EIF4G1: variants seen among roughly 807,000 people sequenced by gnomAD.
EIF4G1 encodes the protein eukaryotic translation initiation factor 4 gamma 1, also known as EIF4-gamma.
Under a neutral mutation model 187.8 loss-of-function variants are expected in EIF4G1, and 4 were observed. The observed-to-expected ratio is 0.02, with a 90% CI of 0.01 to 0.05. The LOEUF (loss-of-function observed/expected upper bound fraction) is 0.05. Among genes scored for constraint, EIF4G1 ranks in the 10% least tolerant of loss-of-function variants. EIF4G1 has a pLI of 1.00. For missense variants in EIF4G1, 1,647 were observed against 2,081.1 expected (o/e 0.79, Z 4.06); for synonymous variants, 844 against 781.4 (o/e 1.08, Z -1.34).
chr3:184,318,824 C>T (rs780990366), intron 6 of EIF4G1, among the ~76,000 whole-genome samples: 13 of 152,068 alleles, frequency 8.5e-5, no homozygotes, highest in Admixed American at 2.6e-4. Flanking sequence ...AGGCTGGTCT[C>T]GAACTCCTGG....
At position 184,331,531 on chromosome 3, in the gene EIF4G1, C is replaced by T. The variant is rs762584493; in HGVS notation, c.4320C>T (p.Ser1440=). ...CCCCTGGCCAGAGGGCACTCCCCTC[C>T]GAGGAGCTGAACAGGCAGCTGGAGA... ...SEAPGQRALP[S]EELNRQLEKL... is the part of the protein sequence containing the mutation. The change falls in exon 30 of 33, where the codon TCC becomes TCT. Residue 1440 remains serine, a synonymous_variant. Transcript: ENST00000346169. 34 of 1,613,868 alleles carry T rather than the reference C, an allele frequency of 2.1e-5. No homozygotes were observed. The highest frequency in any genetic ancestry group is 2.6e-5 in the Non-Finnish European group (31 of 1,180,018).
At chr3:184,317,069 G>C (rs992545468) in intron 4 of EIF4G1, among the ~76,000 whole-genome samples, 1 of 152,196 alleles carries the variant, frequency 6.6e-6, no homozygotes, top group South Asian at 2.1e-4. Flanking sequence ...TAGAGGTGAC[G>C]TGTGTATGCA....
In EIF4G1 at chr3:184,322,115, T is replaced by A; in HGVS notation, c.1519+12T>A. The A allele has an allele frequency of 4.3e-6, 7 of 1,614,018 alleles. No individual in the cohort carries two copies. Among genetic ancestry groups the A allele is most frequent in the Non-Finnish European group, 5.9e-6 (7 of 1,180,024 alleles). ...AGCAGCCACTCAAGGTAAGGTGTGG[T>A]TGGACGGTAGAGGTAGGGCGGGCTA... is the stretch of plus-strand genomic sequence containing the variant. On this transcript the variant is annotated intron_variant, in intron 10 of 32. Coordinates refer to ENST00000346169, the MANE Select transcript of EIF4G1 (RefSeq NM_198241.3).
chr3:184,320,293 C>A, intron 7 of EIF4G1: 1 of 1,264,194 alleles, frequency 7.9e-7, no homozygotes, highest in Admixed American at 3.4e-5. Context: ...GCACACTAGC[C>A]ACAAGTGAGC....
Position 184,326,407 on chromosome 3 carries a change from A to G in EIF4G1, c.3223-120A>G, listed in dbSNP as rs35606653. ...TGCAATAGAGACTGGCCCTTTATTA[A>G]AAAAGATTTTCTGACCCCTGGACTG... On this transcript the variant is annotated intron_variant, in intron 21 of 32. Transcript: ENST00000346169. The G allele has an allele frequency of 6.6e-3, 6,926 of 1,044,032 alleles. 58 individuals carry two copies. Among genetic ancestry groups the G allele is most frequent in the Middle Eastern group, 7.9e-3 (39 of 4,958 alleles). The allele number at this position is 1,044,032 out of a possible 1,614,324, so 64.7% of individuals were successfully genotyped here. A position where few individuals can be genotyped will look rare whatever the true frequency, so the allele number is the denominator to read the frequency against.
In EIF4G1 at chr3:184,326,500, T is replaced by G; in HGVS notation, c.3223-27T>G. On this transcript the variant is annotated intron_variant, in intron 21 of 32. Transcript: ENST00000346169. ...AAGGGACTCAGCCGGGTTGGACCTATGATTCTACTCCCCTTTTCTTCTTCA... is the reference window on the plus strand; with the variant it reads ...AAGGGACTCAGCCGGGTTGGACCTAGGATTCTACTCCCCTTTTCTTCTTCA... 3.1e-6 allele frequency: 5 copies of G among 1,613,468 alleles called. No homozygotes were observed. In the Admixed American group the frequency reaches 6.7e-5, roughly 22 times the overall value.
At position 184,321,240 on chromosome 3, in the gene EIF4G1, G is replaced by A. The variant is rs146183380; in HGVS notation, c.698-42G>A. ...GATGGGGAGGAACAACAGCAGTTAA[G>A]CACTTGCCTTTAGTTGCTCATTCTT... On this transcript the variant is annotated intron_variant, in intron 9 of 32. Transcript: ENST00000346169. 2.5e-4 allele frequency: 404 copies of A among 1,612,196 alleles called. 1 individual carries two copies. In the East Asian group the frequency reaches 8.6e-3, roughly 34 times the overall value.
chr3:184,322,777 G>T, intron 12 of EIF4G1, 44 bp from the exon 13 acceptor site: 3 of 1,614,192 alleles, frequency 1.9e-6, no homozygotes, highest in Non-Finnish European at 2.5e-6. Context: ...TCTTATTAGG[G>T]CCAGAGGAGG....
In EIF4G1 at chr3:184,314,668, A is replaced by T. The variant is rs1722365462; in HGVS notation, c.-98A>T. The T allele has an allele frequency of 6.6e-6, 1 of 151,640 alleles. No individual in the cohort carries two copies. The highest frequency in any genetic ancestry group is 2.4e-5 in the African/African-American group (1 of 41,312). The allele number at this position is 151,640 out of a possible 1,614,324, so 9.4% of individuals were successfully genotyped here. On this transcript the variant is annotated 5_prime_UTR_variant, in exon 1 of 33. Coordinates refer to ENST00000346169, the MANE Select transcript of EIF4G1 (RefSeq NM_198241.3). ...GGCTCGGCCGCGCGGACTGAAGGAG[A>T]CTGAAGGTAAAGCCGCCATGTCCGG...
At chr3:184,330,000 GT>G (rs889605422) in intron 28 of EIF4G1, among the ~76,000 whole-genome samples, 2 of 152,168 alleles carry the variant, frequency 1.3e-5, no homozygotes, top group Non-Finnish European at 2.9e-5. Context: ...AGGACAAGTT[GT>G]TTTTTAACAA....
chr3:184,333,176 T>C (rs1726464953), intron 32 of EIF4G1, among the ~76,000 whole-genome samples: 1 of 152,142 alleles, frequency 6.6e-6, no homozygotes, highest in South Asian at 2.1e-4. Context: ...TTAGAAGTCA[T>C]GGATGACTCC....
At position 184,331,751 on chromosome 3, in the gene EIF4G1, A is replaced by G. The variant is rs1179430063; in HGVS notation, c.4419A>G (p.Ile1473Met). ...WIEANLSEQQ[I>M]VSNTLVRALM... ...AGGCCAACCTGAGTGAGCAGCAGAT[A>G]GTATCCAACACGTTAGTTCGAGCCC... The change falls in exon 31 of 33, where the codon ATA (isoleucine) becomes ATG (methionine). Residue 1473 changes from isoleucine (I) to methionine (M), a missense_variant. By Grantham distance (10) the Ile-to-Met change is conservative (BLOSUM62 1). Around this residue, in one of 11 missense-constraint regions of EIF4G1, gnomAD observed 543 missense variants for 638.0 expected, o/e 0.85. Transcript: ENST00000346169. 6.2e-7 allele frequency: 1 copy of G among 1,614,234 alleles called. No individual in the cohort carries two copies. The highest frequency in any genetic ancestry group is 1.1e-5 in the South Asian group (1 of 91,086).
Position 184,323,998 on chromosome 3 carries a change from A to G in EIF4G1, c.2472+21A>G, listed in dbSNP as rs1286376891. The G allele has an allele frequency of 1.2e-6, 2 of 1,613,156 alleles. No homozygotes were observed. The highest frequency in any genetic ancestry group is 2.2e-5 in the East Asian group (1 of 44,896). On this transcript the variant is annotated intron_variant, in intron 16 of 32. Transcript: ENST00000346169. The surrounding 1 kb of genome is among the most constrained non-coding windows in gnomAD (Gnocchi z 6.9). ...TGGCGGTTAGTTTCCAGTGGGTTCT[A>G]AATCTAATGGTCTGGTTGCCCATTC...
chr3:184,321,665 C>T lies in EIF4G1; in HGVS notation c.1081C>T (p.Pro361Ser). 1 of 1,603,966 alleles carries T rather than the reference C, an allele frequency of 6.2e-7. No homozygotes were observed. Among genetic ancestry groups the T allele is most frequent in the Non-Finnish European group, 8.5e-7 (1 of 1,173,820 alleles). ...LASHTVEIHEPNGMVPSEDLE... is the reference protein window; with the variant it reads ...LASHTVEIHESNGMVPSEDLE... Reference sequence around the variant, plus strand: ...ATCTCACACAGTGGAAATTCATGAGCCTAATGGCATGGTCCCATCTGAAGA... The same window carrying T: ...ATCTCACACAGTGGAAATTCATGAGTCTAATGGCATGGTCCCATCTGAAGA... Residue 361 changes from proline to serine, a missense_variant, in exon 10 of 33, where the codon CCT (proline) becomes TCT (serine). Physicochemically the swap from Pro to Ser is moderately conservative, Grantham distance 74. Around this residue, in one of 11 missense-constraint regions of EIF4G1, gnomAD observed 522 missense variants for 485.2 expected, o/e 1.08. Coordinates refer to ENST00000346169, the MANE Select transcript of EIF4G1 (RefSeq NM_198241.3).
intron 5 of EIF4G1, 94 bp from the exon 6 acceptor site, chr3:184,317,623 G>T: frequency 1.3e-6 from 2 of 1,531,896 alleles, no homozygotes; most frequent in Middle Eastern, 1.7e-4. Context: ...CCCAGAGTTG[G>T]CTTGTCTTGT....
At chr3:184,329,581 T>C (rs183987320) in intron 28 of EIF4G1, among the ~76,000 whole-genome samples, 2 of 152,250 alleles carry the variant, frequency 1.3e-5, no homozygotes, top group African/African-American at 4.8e-5. Context: ...TGAGCCGAGA[T>C]TGTGCCACTG....
Position 184,321,659 on chromosome 3 carries a change from C to G in EIF4G1, c.1075C>G (p.His359Asp). The G allele has an allele frequency of 1.2e-6, 2 of 1,606,492 alleles. No individual in the cohort carries two copies. Among genetic ancestry groups the G allele is most frequent in the Non-Finnish European group, 1.7e-6 (2 of 1,175,334 alleles). ...TTTGGCATCTCACACAGTGGAAATT[C>G]ATGAGCCTAATGGCATGGTCCCATC... is the stretch of plus-strand genomic sequence containing the variant. Reference protein sequence around the residue: ...TPLASHTVEIHEPNGMVPSED... With the variant: ...TPLASHTVEIDEPNGMVPSED... The change falls in exon 10 of 33, where the codon CAT becomes GAT. Residue 359 changes from histidine to aspartate, a missense_variant. His to Asp is a moderately conservative substitution (Grantham distance 81, BLOSUM62 -1). Around this residue, in one of 11 missense-constraint regions of EIF4G1, gnomAD observed 522 missense variants for 485.2 expected, o/e 1.08. Transcript: ENST00000346169.
chr3:184,321,738 C>A lies in EIF4G1; in HGVS notation c.1154C>A (p.Ala385Asp). The stretch of plus-strand genomic sequence containing the variant: ...AGCCCAGAGCTTGCTCCTCCCCCAG[C>A]TTGCCCCTCCGAATCCCCTGTGCCC... ...ESSPELAPPP[A>D]CPSESPVPIA... The change falls in exon 10 of 33, where the codon GCT (alanine) becomes GAT (aspartate). Residue 385 changes from alanine to aspartate, a missense_variant. Physicochemically the swap from Ala to Asp is moderately radical, Grantham distance 126. Around this residue, in one of 11 missense-constraint regions of EIF4G1, gnomAD observed 522 missense variants for 485.2 expected, o/e 1.08. Coordinates refer to ENST00000346169, the MANE Select transcript of EIF4G1 (RefSeq NM_198241.3). The A allele has an allele frequency of 6.3e-7, 1 of 1,598,732 alleles. No homozygotes were observed. Among genetic ancestry groups the A allele is most frequent in the South Asian group, 1.1e-5 (1 of 89,528 alleles).
rs564139625 is a variant in EIF4G1, at chr3:184,333,253, A to G, written c.4618+1167A>G. Among the ~76,000 whole-genome samples the G allele has an allele frequency of 6.6e-5, 10 of 152,302 alleles. No homozygotes were observed. In the South Asian group the frequency reaches 1.9e-3, roughly 28 times the overall value. Reference sequence around the variant, plus strand: ...GTGATGTCATTTGCTGGGGTAGGCAACGGTGGATCAAGTTGAGTTGTGGTC... The same window carrying G: ...GTGATGTCATTTGCTGGGGTAGGCAGCGGTGGATCAAGTTGAGTTGTGGTC... On this transcript the variant is annotated intron_variant, in intron 32 of 32. Coordinates refer to ENST00000346169, the MANE Select transcript of EIF4G1 (RefSeq NM_198241.3).
Sources: gnomAD v4.1 joint callset for allele counts (sites outside exome capture counted in the v4.1 genomes callset) on GRCh38, gnomAD v4.1.1 for gene constraint, gnomAD v4.1.1 regional missense constraint, Gnocchi (gnomAD v3.1) non-coding constraint, MANE v1.5 for transcripts, NCBI Gene and HGNC (gene_info 2026-07-23, HGNC 2026-07-21) for gene names.